ST3GAL4: variants seen among roughly 807,000 people sequenced by gnomAD.
ST3GAL4 encodes CMP-N-acetylneuraminate-beta-galactosamide-alpha-2,3-sialyltransferase 4.
Under a neutral mutation model 42.6 loss-of-function variants are expected in ST3GAL4, and 24 were observed. That is an observed-to-expected ratio of 0.56 (90% CI 0.41 to 0.79). The LOEUF (loss-of-function observed/expected upper bound fraction) is 0.79. Ranked by LOEUF, ST3GAL4 falls within the 30% of genes least tolerant of loss-of-function variation. The probability of loss-of-function intolerance (pLI) is 0.00; values close to 1 mark genes in which losing one functional copy is unlikely to be tolerated. For synonymous variants in ST3GAL4, 135 were observed against 163.2 expected, an observed-to-expected ratio of 0.83 and a Z score of 1.32; for missense variants, 311 against 430.8, an observed-to-expected ratio of 0.72 and a Z score of 2.46.
chr11:126,383,098 G>A lies in ST3GAL4; in HGVS notation c.-60-22998G>A, dbSNP rs1220414712. On this transcript the variant is annotated intron_variant, in intron 1 of 10. Transcript: ENST00000444328. This position sits in a 1 kb window ranked among gnomAD's most constrained non-coding sequence, Gnocchi z 4.5. Reference sequence around the variant, plus strand: ...CCTCCATGGGGCAGCAGGCTCTGCAGTACCCTCGGCCAAATGGCCACAGGC... The same window carrying A: ...CCTCCATGGGGCAGCAGGCTCTGCAATACCCTCGGCCAAATGGCCACAGGC... 3.3e-5 allele frequency among the ~76,000 whole-genome samples: 5 copies of A among 152,224 alleles called. No homozygotes were observed. The highest frequency in any genetic ancestry group is 7.3e-5 in the Non-Finnish European group (5 of 68,030).
intron 1 of ST3GAL4, among the ~76,000 whole-genome samples, chr11:126,358,147 G>A (rs1382937477): frequency 6.6e-6 from 1 of 152,248 alleles, no homozygotes; most frequent in Non-Finnish European, 1.5e-5. Flanking sequence ...CAGTCCAGCA[G>A]TGCAGGGTGG....
intron 1 of ST3GAL4, among the ~76,000 whole-genome samples, chr11:126,389,287 C>A (rs765637411): frequency 1.9e-4 from 29 of 152,156 alleles, no homozygotes; most frequent in Non-Finnish European, 3.7e-4. Flanking sequence ...ATGTGATAAT[C>A]TGCCAGGTTG....
At chr11:126,370,891 C>A (rs1196552049) in intron 1 of ST3GAL4, among the ~76,000 whole-genome samples, 1 of 152,064 alleles carries the variant, frequency 6.6e-6, no homozygotes, top group Non-Finnish European at 1.5e-5. Flanking sequence ...AGGTCTCGAG[C>A]TCCTGAACTC....
In ST3GAL4 at chr11:126,409,245, C is replaced by A. The variant is rs1040787877; in HGVS notation, c.628-23C>A. The A allele has an allele frequency of 1.2e-6, 2 of 1,610,228 alleles. No individual in the cohort carries two copies. Among genetic ancestry groups the A allele is most frequent in the Non-Finnish European group, 1.7e-6 (2 of 1,176,662 alleles). ...CAGGGCTTCACCCGCTTCTGTCTCT[C>A]TCTTCTGACCCCATCCTCCTAGGTG... On this transcript the variant is annotated intron_variant, in intron 8 of 10. Transcript: ENST00000444328. The surrounding 1 kb of genome is among the most constrained non-coding windows in gnomAD (Gnocchi z 4.9).
chr11:126,395,517 G>A (rs1279187313), intron 1 of ST3GAL4, among the ~76,000 whole-genome samples: 2 of 152,158 alleles, frequency 1.3e-5, no homozygotes, highest in African/African-American at 2.4e-5. Flanking sequence ...GTTGGGCAGT[G>A]ATACGGTTTG....
At position 126,363,480 on chromosome 11, in the gene ST3GAL4, A is replaced by C. The variant is rs1166015066; in HGVS notation, c.-61+7638A>C. 6.6e-6 allele frequency among the ~76,000 whole-genome samples: 1 copy of C among 152,204 alleles called. No homozygotes were observed. Among genetic ancestry groups the C allele is most frequent in the Non-Finnish European group, 1.5e-5 (1 of 68,036 alleles). The stretch of plus-strand genomic sequence containing the variant: ...GCCTTCATTGGGAGCCCATGGGAGC[A>C]GGAGTCAGCTCCTCCTGTTGGCAGC... On this transcript the variant is annotated intron_variant, in intron 1 of 10. Coordinates refer to ENST00000444328, the MANE Select transcript of ST3GAL4 (RefSeq NM_001254757.2). This position sits in a 1 kb window ranked among gnomAD's most constrained non-coding sequence, Gnocchi z 4.6.
chr11:126,404,800 C>A (rs535276680), intron 1 of ST3GAL4, among the ~76,000 whole-genome samples: 139 of 152,360 alleles, frequency 9.1e-4, no homozygotes, highest in African/African-American at 3.2e-3. Context: ...TGACTCAAGA[C>A]TCTGATCCTT....
chr11:126,411,113 A>C lies in ST3GAL4; in HGVS notation c.771+1702A>C, dbSNP rs1311755581. On this transcript the variant is annotated intron_variant, in intron 9 of 10. Transcript: ENST00000444328. The surrounding 1 kb of genome is among the most constrained non-coding windows in gnomAD (Gnocchi z 6.3). ...CCTGAACCCAGCTCCTGGCAGTGGG[A>C]AGGGAAAAGGAGGAGATGGACTCAA... Among the ~76,000 whole-genome samples, 1 of 151,556 alleles carries C rather than the reference A, an allele frequency of 6.6e-6. No individual in the cohort carries two copies. The highest frequency in any genetic ancestry group is 1.5e-5 in the Non-Finnish European group (1 of 67,920).
At position 126,378,473 on chromosome 11, in the gene ST3GAL4, A is replaced by G. The variant is rs535330296; in HGVS notation, c.-61+22631A>G. Among the ~76,000 whole-genome samples, 6 of 152,260 alleles carry G rather than the reference A, an allele frequency of 3.9e-5. No individual in the cohort carries two copies. In the South Asian group the frequency reaches 8.3e-4, roughly 21 times the overall value. On this transcript the variant is annotated intron_variant, in intron 1 of 10. Coordinates refer to ENST00000444328, the MANE Select transcript of ST3GAL4 (RefSeq NM_001254757.2). The surrounding 1 kb of genome is among the most constrained non-coding windows in gnomAD (Gnocchi z 5.3). ...CACTCAGGCTGGAGTCAGTGGTGCA[A>G]TCTTGGCTCACTGCAACCTCTGCTT...
chr11:126,389,476 C>T (rs1048996729), intron 1 of ST3GAL4, among the ~76,000 whole-genome samples: 10 of 152,216 alleles, frequency 6.6e-5, no homozygotes, highest in Admixed American at 2.6e-4. Context: ...TTTCATCATA[C>T]ACACAAGCAC....
intron 1 of ST3GAL4, among the ~76,000 whole-genome samples, chr11:126,385,442 G>A (rs1351449170): frequency 5.9e-5 from 9 of 152,032 alleles, no homozygotes; most frequent in East Asian, 1.9e-4. Context: ...ATGAGCCACC[G>A]CGCCTGACCC....
At chr11:126,404,549 A>T (rs997171317) in intron 1 of ST3GAL4, among the ~76,000 whole-genome samples, 3 of 152,236 alleles carry the variant, frequency 2.0e-5, no homozygotes, top group African/African-American at 7.2e-5. Flanking sequence ...GAGGAGGGCC[A>T]TGTGTAGGGA....
At chr11:126,361,204 GA>G (rs1952229974) in intron 1 of ST3GAL4, among the ~76,000 whole-genome samples, 1 of 152,196 alleles carries the variant, frequency 6.6e-6, no homozygotes, top group Non-Finnish European at 1.5e-5. Context: ...CCCTACGGTG[GA>G]ACCCTCACTT....
rs1485161339 is a variant in ST3GAL4 at position 126,383,935 on chromosome 11, T to C, written c.-60-22161T>C. Among the ~76,000 whole-genome samples, 8 of 152,172 alleles carry C rather than the reference T, an allele frequency of 5.3e-5. No homozygotes were observed. The highest frequency in any genetic ancestry group is 1.3e-4 in the Admixed American group (2 of 15,286). ...ACTCTCTTGCCGCCTTCTCTGTTCC[T>C]GGGGACAGGCTGCTGCAGGGTGGAG... On this transcript the variant is annotated intron_variant, in intron 1 of 10. Coordinates refer to ENST00000444328, the MANE Select transcript of ST3GAL4 (RefSeq NM_001254757.2). The surrounding 1 kb of genome is among the most constrained non-coding windows in gnomAD (Gnocchi z 4.5).
chr11:126,394,355 G>A (rs568378835), intron 1 of ST3GAL4, among the ~76,000 whole-genome samples: 3 of 152,238 alleles, frequency 2.0e-5, no homozygotes, highest in Non-Finnish European at 4.4e-5. Context: ...CGTCACAGTG[G>A]CTTCAGCTTT....
Position 126,366,361 on chromosome 11 carries a change from G to T in ST3GAL4, c.-61+10519G>T, listed in dbSNP as rs1387077931. On this transcript the variant is annotated intron_variant, in intron 1 of 10. Transcript: ENST00000444328. This position sits in a 1 kb window ranked among gnomAD's most constrained non-coding sequence, Gnocchi z 4.2. ...TATGTGGGCATGGGGTGGTGGGGGC[G>T]TGCAGAGAGGAGGAGGACTGAGAGC... 1.3e-5 allele frequency among the ~76,000 whole-genome samples: 2 copies of T among 152,142 alleles called. No homozygotes were observed. The highest frequency in any genetic ancestry group is 1.5e-5 in the Non-Finnish European group (1 of 68,020).
At chr11:126,408,645 G>C in intron 8 of ST3GAL4, 149 bp downstream of exon 8, 1 of 933,738 alleles carries the variant, frequency 1.1e-6, no homozygotes. Flanking sequence ...AGCGCCTTAG[G>C]CTGCCCTCCA....
intron 1 of ST3GAL4, chr11:126,374,879 C>T (rs924951598): frequency 2.0e-5 from 3 of 151,972 alleles, no homozygotes; most frequent in Non-Finnish European, 4.4e-5. Context: ...CCGTAGCCTG[C>T]GCTCACTGTA....
At position 126,393,566 on chromosome 11, in the gene ST3GAL4, T is replaced by G. The variant is rs1288835707; in HGVS notation, c.-60-12530T>G. On this transcript the variant is annotated intron_variant, in intron 1 of 10. Transcript: ENST00000444328. This position sits in a 1 kb window ranked among gnomAD's most constrained non-coding sequence, Gnocchi z 5.9. ...AACGAGTCAGAATAAGCGGGACCCCTCCACAGGCATCTCAGCCCTCCTAAT... is the reference window on the plus strand; with the variant it reads ...AACGAGTCAGAATAAGCGGGACCCCGCCACAGGCATCTCAGCCCTCCTAAT... Among the ~76,000 whole-genome samples, 1 of 152,170 alleles carries G rather than the reference T, an allele frequency of 6.6e-6. No homozygotes were observed. Among genetic ancestry groups the G allele is most frequent in the African/African-American group, 2.4e-5 (1 of 41,444 alleles).
Sources: allele counts gnomAD v4.1 joint callset (sites outside exome capture counted in the v4.1 genomes callset), GRCh38; gene constraint gnomAD v4.1.1; non-coding constraint Gnocchi (gnomAD v3.1); transcripts MANE v1.5; gene names NCBI Gene and HGNC (gene_info 2026-07-23, HGNC 2026-07-21).